USP54: variants seen among roughly 807,000 people sequenced by gnomAD.
USP54 encodes ubiquitin carboxyl-terminal hydrolase 54.
A neutral mutation model predicts 170.5 loss-of-function variants in USP54; 87 were observed. The observed-to-expected ratio is 0.51, with a 90% confidence interval of 0.43 to 0.61. USP54 has a LOEUF of 0.61. USP54 is among the 20% of genes least tolerant of loss of function. The pLI is 0.00. For synonymous variants in USP54, 655 were observed against 742.8 expected (o/e 0.88, Z 1.92); for missense variants, 1,786 against 2,047.8 (o/e 0.87, Z 2.47).
intron 1 of USP54, among the ~76,000 whole-genome samples, chr10:73,601,305 G>A (rs1450877680): frequency 6.6e-6 from 1 of 152,140 alleles, no homozygotes; most frequent in Non-Finnish European, 1.5e-5. Flanking sequence ...TCAAGACAGT[G>A]TAGGAAACAA....
At position 73,536,455 on chromosome 10, in the gene USP54, A is replaced by C; in HGVS notation, c.976-18T>G. ...GGCCCAATCTGAACCAGAAACAACC[A>C]GAAGAACATGACAATTATACTTTAT... On this transcript the variant is annotated intron_variant, in intron 10 of 23. Coordinates refer to ENST00000687698, the MANE Select transcript of USP54 (RefSeq NM_001391956.1). The C allele has an allele frequency of 6.6e-7, 1 of 1,519,424 alleles. No individual in the cohort carries two copies. Among genetic ancestry groups the C allele is most frequent in the Non-Finnish European group, 8.8e-7 (1 of 1,136,088 alleles). The allele number at this position is 1,519,424 out of a possible 1,614,324, so 94.1% of individuals were successfully genotyped here. A position where few individuals can be genotyped will look rare whatever the true frequency, so the allele number is the denominator to read the frequency against.
chr10:73,508,551 G>A (rs547603654), intron 20 of USP54, among the ~76,000 whole-genome samples: 76 of 152,166 alleles, frequency 5.0e-4, no homozygotes, highest in Non-Finnish European at 7.6e-4. Flanking sequence ...CTGATATGAT[G>A]TAAGAAATAC....
At chr10:73,517,974 C>T (rs2061316914) in intron 19 of USP54, among the ~76,000 whole-genome samples, 1 of 152,206 alleles carries the variant, frequency 6.6e-6, no homozygotes, top group Non-Finnish European at 1.5e-5. Context: ...CTTTATTAAA[C>T]ACCCTCACCA....
At chr10:73,620,139 T>A (rs1221687212) in intron 1 of USP54, among the ~76,000 whole-genome samples, 1 of 149,788 alleles carries the variant, frequency 6.7e-6, no homozygotes, top group Non-Finnish European at 1.5e-5. Context: ...ATGGTGAAAC[T>A]CTGTCTCTAC....
chr10:73,622,405 C>T (rs1040228900), intron 1 of USP54, among the ~76,000 whole-genome samples: 1 of 151,842 alleles, frequency 6.6e-6, no homozygotes, highest in Admixed American at 6.6e-5. Context: ...TTCACTGTAA[C>T]CTCCGCTTCC....
chr10:73,504,965 C>T lies in USP54; in HGVS notation c.4196G>A (p.Arg1399Lys). Residue 1399 changes from arginine to lysine, a missense_variant, in exon 22 of 24, where the codon AGG (arginine) becomes AAG (lysine). By Grantham distance (26) the Arg-to-Lys change is conservative. Around this residue, in one of 3 missense-constraint regions of USP54, gnomAD observed 1,418 missense variants for 1,569.0 expected, o/e 0.90. Transcript: ENST00000687698. ...GTACTGCTCATCCTCCCCACACTCC[C>T]TGCTGAGGCCTCGGCAAGGTGTAGC... ...SQATPCRGLS[R>K]ECGEDEQYSA... 1.2e-6 allele frequency: 2 copies of T among 1,614,196 alleles called. No homozygotes were observed. Among genetic ancestry groups the T allele is most frequent in the Non-Finnish European group, 1.7e-6 (2 of 1,180,044 alleles).
intron 22 of USP54, 156 bp downstream of exon 22, chr10:73,504,694 A>C: frequency 1.0e-6 from 1 of 990,116 alleles, no homozygotes; most frequent in African/African-American, 1.6e-5. Flanking sequence ...AATGTTTGTA[A>C]ATAAAATAAT....
At chr10:73,594,056 G>A (rs894954832), upstream of USP54, among the ~76,000 whole-genome samples, 7 of 152,006 alleles carry the variant, frequency 4.6e-5, no homozygotes, top group South Asian at 4.2e-4. Context: ...GTAGGAACAC[G>A]AGATTGGAAA....
chr10:73,552,466 TAC>T (rs374761038), intron 4 of USP54, among the ~76,000 whole-genome samples: 396 of 146,356 alleles, frequency 2.7e-3, no homozygotes, highest in African/African-American at 8.9e-3. Flanking sequence ...ATTAAATGAG[TAC>T]ACACACACAC....
At chr10:73,513,201 A>T (rs1211890074) in intron 20 of USP54, 1 of 152,122 alleles carries the variant, frequency 6.6e-6, no homozygotes, top group African/African-American at 2.4e-5. Context: ...GTCACTTCTC[A>T]CTTTATAGTC....
At chr10:73,572,865 GA>G (rs2075438911) in intron 3 of USP54, among the ~76,000 whole-genome samples, 1 of 151,892 alleles carries the variant, frequency 6.6e-6, no homozygotes, top group African/African-American at 2.4e-5. Flanking sequence ...AGACCACATA[GA>G]AAAAAACAAT....
intron 4 of USP54, among the ~76,000 whole-genome samples, chr10:73,546,340 T>G (rs2067807967): frequency 1.3e-5 from 2 of 152,180 alleles, no homozygotes; most frequent in South Asian, 4.1e-4. Context: ...GTTTTTTGTT[T>G]TTTTGTGTGT....
At position 73,539,663 on chromosome 10, in the gene USP54, T is replaced by C. The variant is rs559093856; in HGVS notation, c.826-70A>G. ...CATTCCACATCATCTCTCAGCAGAC[T>C]CCACCAGCATTTCTTAAGTAAGGTA... On this transcript the variant is annotated intron_variant, in intron 9 of 23. Transcript: ENST00000687698. 2.8e-4 allele frequency: 407 copies of C among 1,439,096 alleles called. 2 individuals are homozygous for C. Among genetic ancestry groups the C allele is most frequent in the Non-Finnish European group, 3.6e-4 (392 of 1,076,894 alleles). The allele number at this position is 1,439,096 out of a possible 1,614,324, so 89.1% of individuals were successfully genotyped here.
chr10:73,519,630 C>T lies in USP54; in HGVS notation c.2678+167G>A, dbSNP rs1486340391. 40 of 995,562 alleles carry T rather than the reference C, an allele frequency of 4.0e-5. No individual in the cohort carries two copies. The South Asian group carries it at 5.8e-4, about 15-fold the overall frequency. 61.7% of individuals were successfully genotyped at this position (995,562 alleles called of 1,614,324 possible). The stretch of plus-strand genomic sequence containing the variant: ...TAGGAATTATTAAGATAAGGACCAG[C>T]AGTACAATGAGCTTTTCACTGTATG... On this transcript the variant is annotated intron_variant, in intron 19 of 23. Transcript: ENST00000687698.
chr10:73,500,271 A>T lies in USP54; in HGVS notation c.4495+384T>A, dbSNP rs547131645. Reference sequence around the variant, plus strand: ...ATCTTCCTAGACCATCCCTCAGCTGAGACTCAGAGGATAGAAGGGGAGAAA... The same window carrying T: ...ATCTTCCTAGACCATCCCTCAGCTGTGACTCAGAGGATAGAAGGGGAGAAA... On this transcript the variant is annotated intron_variant, in intron 23 of 23. Coordinates refer to ENST00000687698, the MANE Select transcript of USP54 (RefSeq NM_001391956.1). Among the ~76,000 whole-genome samples the T allele has an allele frequency of 2.0e-5, 3 of 152,328 alleles. No individual in the cohort carries two copies. The South Asian group carries it at 6.2e-4, about 32-fold the overall frequency.
intron 1 of USP54, among the ~76,000 whole-genome samples, chr10:73,602,413 C>T (rs2079238209): frequency 6.6e-6 from 1 of 151,808 alleles, no homozygotes; most frequent in Admixed American, 6.6e-5. Flanking sequence ...ATTAGCCGGG[C>T]GTGGTGGCGG....
At chr10:73,536,740 T>C (rs754380236) in intron 10 of USP54, among the ~76,000 whole-genome samples, 2 of 152,240 alleles carry the variant, frequency 1.3e-5, no homozygotes, top group African/African-American at 2.4e-5. Context: ...CAAAGGTGGA[T>C]ATGCTACGTG....
chr10:73,618,462 G>C (rs1408503025), intron 1 of USP54, among the ~76,000 whole-genome samples: 1 of 150,344 alleles, frequency 6.7e-6, no homozygotes, highest in East Asian at 1.9e-4. Context: ...ATTAGCTGGG[G>C]CCGGGCACAG....
At chr10:73,511,998 A>G (rs1378948766) in intron 20 of USP54, among the ~76,000 whole-genome samples, 1 of 152,046 alleles carries the variant, frequency 6.6e-6, no homozygotes, top group Non-Finnish European at 1.5e-5. Context: ...CACCCGACTC[A>G]GCCTCCCAAA....
Sources: allele counts gnomAD v4.1 joint callset (sites outside exome capture counted in the v4.1 genomes callset), GRCh38; gene constraint gnomAD v4.1.1; regional missense constraint gnomAD v4.1.1; transcripts MANE v1.5; gene names NCBI Gene and HGNC (gene_info 2026-07-23, HGNC 2026-07-21).